The following PLXNB1 variants were observed in gnomAD, a reference collection of about 807,000 sequenced individuals.
PLXNB1 encodes the protein plexin-B1.
PLXNB1 carries 106 observed loss-of-function variants against 209.4 expected under a neutral mutation model. That is an observed-to-expected ratio of 0.51 (90% CI 0.43 to 0.59). The LOEUF is 0.59. Ranked by LOEUF, PLXNB1 falls within the 20% of genes least tolerant of loss-of-function variation. PLXNB1 has a pLI of 0.00. For missense variants in PLXNB1, 2,357 were observed against 2,853.2 expected, an observed-to-expected ratio of 0.83 and a Z score of 3.96; for synonymous variants, 1,167 against 1,183.2, an observed-to-expected ratio of 0.99 and a Z score of 0.28.
intron 9 of PLXNB1, 36 bp downstream of exon 9, chr3:48,420,812 G>A: frequency 1.2e-6 from 2 of 1,611,790 alleles, no homozygotes; most frequent in Non-Finnish European, 1.7e-6. Context: ...GTCGCCACAG[G>A]GAAGCCCAGG....
chr3:48,421,303 C>A lies in PLXNB1; in HGVS notation c.1735G>T (p.Ala579Ser). Residue 579 changes from alanine to serine, a missense_variant, in exon 8 of 38, where the codon GCC becomes TCC. Coordinates refer to ENST00000296440, the MANE Select transcript of PLXNB1 (RefSeq NM_001130082.3). ...SCHFGEHQSP[A>S]LLTGSGVMCP... Reference sequence around the variant, plus strand: ...ATCACACCAGAACCAGTCAGCAGGGCAGGACTCTGATGTTCCCCAAAGTGG... The same window carrying A: ...ATCACACCAGAACCAGTCAGCAGGGAAGGACTCTGATGTTCCCCAAAGTGG... The A allele has an allele frequency of 6.2e-7, 1 of 1,604,546 alleles. No individual in the cohort carries two copies. Among genetic ancestry groups the A allele is most frequent in the Non-Finnish European group, 8.5e-7 (1 of 1,174,170 alleles).
rs773535435 is a variant in PLXNB1 at position 48,416,412 on chromosome 3, G to A, written c.3414C>T (p.Ala1138=). 22 of 1,613,036 alleles carry A rather than the reference G, an allele frequency of 1.4e-5. No homozygotes were observed. The highest frequency in any genetic ancestry group is 3.3e-5 in the South Asian group (3 of 91,056). The change falls in exon 17 of 38, where the codon GCC becomes GCT. Residue 1138 remains alanine, a synonymous_variant. Transcript: ENST00000296440. This position sits in a 1 kb window ranked among gnomAD's most constrained non-coding sequence, Gnocchi z 4.1. ...CITGASGEEV[A]GATAVEVPGR... is the part of the protein sequence containing the mutation. The stretch of plus-strand genomic sequence containing the variant: ...CCGGCACCTCCACCGCTGTGGCGCC[G>A]GCCACCTCCTCCCCACTGGCCCCGG...
intron 27 of PLXNB1, 43 bp downstream of exon 27, chr3:48,412,195 G>C (rs1407525793): frequency 6.3e-7 from 1 of 1,598,366 alleles, no homozygotes; most frequent in Non-Finnish European, 8.6e-7. Flanking sequence ...TGGAGGGCCT[G>C]ACCCTCCCTG....
chr3:48,412,162 T>C (rs2106794047), intron 27 of PLXNB1, 76 bp downstream of exon 27: 3 of 1,529,882 alleles, frequency 2.0e-6, no homozygotes, highest in African/African-American at 1.4e-5. Context: ...CCGAGCTGCA[T>C]GGTGGCTGAG....
chr3:48,416,733 T>C lies in PLXNB1; in HGVS notation c.3375-282A>G, dbSNP rs1463687959. 6.8e-6 allele frequency: 2 copies of C among 295,256 alleles called. No individual in the cohort carries two copies. Among genetic ancestry groups the C allele is most frequent in the Admixed American group, 5.1e-5 (1 of 19,584 alleles). The allele number at this position is 295,256 out of a possible 1,614,324, so 18.3% of individuals were successfully genotyped here. On this transcript the variant is annotated intron_variant, in intron 16 of 37. Coordinates refer to ENST00000296440, the MANE Select transcript of PLXNB1 (RefSeq NM_001130082.3). This position sits in a 1 kb window ranked among gnomAD's most constrained non-coding sequence, Gnocchi z 4.1. ...GTGGCATAAATTTACAAAGGGGCCC[T>C]GTCAGCCTGGTTGTGGGGCGAGCTG...
In PLXNB1 at chr3:48,411,874, A is replaced by C; in HGVS notation, c.5236T>G (p.Tyr1746Asp). The change falls in exon 28 of 38, where the codon TAC (tyrosine) becomes GAC (aspartate). Residue 1746 changes from tyrosine to aspartate, a missense_variant. Tyr to Asp is a radical substitution (Grantham distance 160). This residue lies in a region of PLXNB1 where 414 missense variants were observed against 520.5 expected (regional missense o/e 0.80). Transcript: ENST00000296440. The surrounding 1 kb of genome is among the most constrained non-coding windows in gnomAD (Gnocchi z 4.0). ...TTGCACACCCTCACCAGGGGACGGT[A>C]CTCCACATCCTCTCTGAGCAGGCGG... ...DNRLLREDVE[Y>D]RPLTLNALLA... 6.2e-7 allele frequency: 1 copy of C among 1,613,806 alleles called. No homozygotes were observed. The highest frequency in any genetic ancestry group is 8.5e-7 in the Non-Finnish European group (1 of 1,179,922).
chr3:48,430,280 C>T (rs920998462), upstream of PLXNB1, among the ~76,000 whole-genome samples: 2 of 152,256 alleles, frequency 1.3e-5, no homozygotes, highest in Admixed American at 6.5e-5. Context: ...ACCTGGGCTG[C>T]AGAGGCGCAC....
intron 1 of PLXNB1, among the ~76,000 whole-genome samples, chr3:48,426,325 C>A (rs2038892699): frequency 6.6e-6 from 1 of 152,224 alleles, no homozygotes. Flanking sequence ...GGCAATACCA[C>A]CTTCCCCAGT....
In PLXNB1 at chr3:48,415,720, G is replaced by A. The variant is rs1373854541; in HGVS notation, c.3657C>T (p.Thr1219=). 6.4e-7 allele frequency: 1 copy of A among 1,552,034 alleles called. No homozygotes were observed. The highest frequency in any genetic ancestry group is 2.0e-5 in the Admixed American group (1 of 51,054). ...GCGTGGCAGGCGTGGGGCGTGGGCTGGTCTCACACCGCAGTTGTTCTGACT... is the reference window on the plus strand; with the variant it reads ...GCGTGGCAGGCGTGGGGCGTGGGCTAGTCTCACACCGCAGTTGTTCTGACT... The part of the protein sequence containing the change: ...EQQSEQLRCE[T]SPRPTPATLP... Residue 1219 remains threonine (T), a synonymous_variant, in exon 19 of 38, where the codon ACC becomes ACT. Transcript: ENST00000296440. The surrounding 1 kb of genome is among the most constrained non-coding windows in gnomAD (Gnocchi z 5.0).
chr3:48,410,709 A>T lies in PLXNB1; in HGVS notation c.5417-151T>A. 1.1e-6 allele frequency: 1 copy of T among 937,088 alleles called. No individual in the cohort carries two copies. The highest frequency in any genetic ancestry group is 1.6e-6 in the Non-Finnish European group (1 of 617,892). The allele number at this position is 937,088 out of a possible 1,614,324, so 58.0% of individuals were successfully genotyped here. A position where few individuals can be genotyped will look rare whatever the true frequency, so the allele number is the denominator to read the frequency against. The stretch of plus-strand genomic sequence containing the variant: ...GACCAAGAGCAGGGACCCCCTCCCC[A>T]GATGAGAGGCTGTCCAAGAAAGATG... On this transcript the variant is annotated intron_variant, in intron 29 of 37. Transcript: ENST00000296440. This position sits in a 1 kb window ranked among gnomAD's most constrained non-coding sequence, Gnocchi z 6.4.
rs1427322417 is a variant in PLXNB1, at chr3:48,417,994, C to G, written c.3291G>C (p.Gln1097His). The G allele has an allele frequency of 1.9e-6, 3 of 1,613,442 alleles. No homozygotes were observed. Among genetic ancestry groups the G allele is most frequent in the Non-Finnish European group, 2.5e-6 (3 of 1,180,038 alleles). Residue 1097 changes from glutamine to histidine, a missense_variant, in exon 16 of 38, where the codon CAG becomes CAC. Physicochemically the swap from Gln to His is conservative, Grantham distance 24. Coordinates refer to ENST00000296440, the MANE Select transcript of PLXNB1 (RefSeq NM_001130082.3). This position sits in a 1 kb window ranked among gnomAD's most constrained non-coding sequence, Gnocchi z 4.4. Reference protein sequence around the residue: ...RVTIRGSNLGQHVQDVLGMVT... With the variant: ...RVTIRGSNLGHHVQDVLGMVT... ...CCATGCCCAGCACATCCTGCACATG[C>G]TGGCCCAGGTTGGAGCCCCTGATGG... is the stretch of plus-strand genomic sequence containing the variant.
Position 48,406,783 on chromosome 3 carries a change from G to A in PLXNB1, c.6228+40C>T, listed in dbSNP as rs1322842704. ...GAAGGGGGAAGGACCGTTGTGGCAG[G>A]AGGCCTATGCCCAACCCAAGAAGCA... On this transcript the variant is annotated intron_variant, in intron 36 of 37. Coordinates refer to ENST00000296440, the MANE Select transcript of PLXNB1 (RefSeq NM_001130082.3). This position sits in a 1 kb window ranked among gnomAD's most constrained non-coding sequence, Gnocchi z 4.4. 4 of 1,555,656 alleles carry A rather than the reference G, an allele frequency of 2.6e-6. No individual in the cohort carries two copies. Among genetic ancestry groups the A allele is most frequent in the East Asian group, 2.4e-5 (1 of 41,904 alleles).
rs2037289833 is a variant in PLXNB1 at position 48,405,862 on chromosome 3, C to A, written c.6229-64G>T. On this transcript the variant is annotated intron_variant, in intron 36 of 37. Transcript: ENST00000296440. The surrounding 1 kb of genome is among the most constrained non-coding windows in gnomAD (Gnocchi z 5.0). ...GGTGCAGAGAGCCACAGGAGGCAGC[C>A]CAGGACCCCAGGGAAGGGCTGGGGG... 9.8e-6 allele frequency: 13 copies of A among 1,322,318 alleles called. No individual in the cohort carries two copies. The highest frequency in any genetic ancestry group is 1.4e-5 in the Non-Finnish European group (13 of 923,710). The allele number at this position is 1,322,318 out of a possible 1,614,324, so 81.9% of individuals were successfully genotyped here. A position where few individuals can be genotyped will look rare whatever the true frequency, so the allele number is the denominator to read the frequency against.
chr3:48,416,494 G>A lies in PLXNB1; in HGVS notation c.3375-43C>T, dbSNP rs997785630. ...GCTAGGGGGTGCCAGGCTGCATCAA[G>A]GGCCCCTCAAGCTTACCTGGCAGCC... On this transcript the variant is annotated intron_variant, in intron 16 of 37. Transcript: ENST00000296440. This position sits in a 1 kb window ranked among gnomAD's most constrained non-coding sequence, Gnocchi z 4.1. The A allele has an allele frequency of 7.1e-6, 10 of 1,416,722 alleles. No homozygotes were observed. Among genetic ancestry groups the A allele is most frequent in the Non-Finnish European group, 9.8e-6 (10 of 1,016,016 alleles). The allele number at this position is 1,416,722 out of a possible 1,614,324, so 87.8% of individuals were successfully genotyped here.
At chr3:48,420,560 C>T in intron 10 of PLXNB1, 105 bp downstream of exon 10, 1 of 901,628 alleles carries the variant, frequency 1.1e-6, no homozygotes, top group Non-Finnish European at 1.8e-6. Flanking sequence ...CTCTGGTGCT[C>T]AGGACAGAGC....
At chr3:48,420,581 C>G (rs2038442288) in intron 10 of PLXNB1, 84 bp downstream of exon 10, 1 of 1,112,688 alleles carries the variant, frequency 9.0e-7, no homozygotes, top group Non-Finnish European at 1.4e-6. Flanking sequence ...CTCACATAGG[C>G]AGACAGACCC....
chr3:48,404,383 G>A lies in PLXNB1; in HGVS notation c.*103C>T. The A allele has an allele frequency of 1.5e-6, 1 of 685,548 alleles. No homozygotes were observed. The highest frequency in any genetic ancestry group is 1.9e-5 in the South Asian group (1 of 53,868). 42.5% of individuals were successfully genotyped at this position (685,548 alleles called of 1,614,324 possible). On this transcript the variant is annotated 3_prime_UTR_variant, in exon 38 of 38. Coordinates refer to ENST00000296440, the MANE Select transcript of PLXNB1 (RefSeq NM_001130082.3). ...CTGGGAGTCACCTTCCACTAACTCT[G>A]CTTGTCAGTCACTACAGGCACCTAA... is the stretch of plus-strand genomic sequence containing the variant.
Position 48,411,841 on chromosome 3 carries a change from C to A in PLXNB1, c.5247+22G>T. ...GCCCTCACCGCACTCAGACTGCAGG[C>A]CACACACTTGCACACCCTCACCAGG... On this transcript the variant is annotated intron_variant, in intron 28 of 37. Coordinates refer to ENST00000296440, the MANE Select transcript of PLXNB1 (RefSeq NM_001130082.3). This position sits in a 1 kb window ranked among gnomAD's most constrained non-coding sequence, Gnocchi z 4.0. The A allele has an allele frequency of 1.2e-6, 2 of 1,612,104 alleles. No individual in the cohort carries two copies. Among genetic ancestry groups the A allele is most frequent in the Non-Finnish European group, 1.7e-6 (2 of 1,179,016 alleles).
In PLXNB1 at chr3:48,409,568, C is replaced by G. The variant is rs553797779; in HGVS notation, c.5939+3G>C. 1.9e-6 allele frequency: 3 copies of G among 1,613,768 alleles called. No homozygotes were observed. Among genetic ancestry groups the G allele is most frequent in the Non-Finnish European group, 2.5e-6 (3 of 1,179,726 alleles). ...ACCTAGAGCCCACCCAGCTCCACCC[C>G]ACCTGTTGGTCTTCCAGATGTGGAT... On this transcript the variant is annotated splice_donor_region_variant and intron_variant, in intron 33 of 37. Coordinates refer to ENST00000296440, the MANE Select transcript of PLXNB1 (RefSeq NM_001130082.3). The surrounding 1 kb of genome is among the most constrained non-coding windows in gnomAD (Gnocchi z 5.8).
Sources: gnomAD v4.1 joint callset for allele counts (sites outside exome capture counted in the v4.1 genomes callset) on GRCh38, gnomAD v4.1.1 for gene constraint, gnomAD v4.1.1 regional missense constraint, Gnocchi (gnomAD v3.1) non-coding constraint, MANE v1.5 for transcripts, NCBI Gene and HGNC (gene_info 2026-07-23, HGNC 2026-07-21) for gene names.